The following GFRA2 variants were observed in gnomAD, a reference collection of about 807,000 sequenced individuals.
The protein encoded by GFRA2 is GDNF family receptor alpha-2.
Under a neutral mutation model 48.3 loss-of-function variants are expected in GFRA2, and 17 were observed. The observed-to-expected ratio is 0.35, with a 90% CI of 0.24 to 0.53. The LOEUF is 0.53. GFRA2 is among the 20% of genes least tolerant of loss of function. The probability of loss-of-function intolerance (pLI) is 0.93; values close to 1 mark genes in which losing one functional copy is unlikely to be tolerated. For missense variants in GFRA2, 660 were observed against 637.3 expected, an observed-to-expected ratio of 1.04 and a Z score of -0.38; for synonymous variants, 305 against 257.2, an observed-to-expected ratio of 1.19 and a Z score of -1.78.
Position 21,782,833 on chromosome 8 carries a change from G to A in GFRA2, c.107C>T (p.Pro36Leu). Residue 36 changes from proline to leucine, a missense_variant, in exon 2 of 9, where the codon CCC becomes CTC. Pro to Leu is a moderately conservative substitution (Grantham distance 98). Transcript: ENST00000524240. Reference sequence around the variant, plus strand: ...ATTGGCCCGGACACAGTCCACTGGGGGGCGCCAGCCGTGGAGCTCGGGGCC... The same window carrying A: ...ATTGGCCCGGACACAGTCCACTGGGAGGCGCCAGCCGTGGAGCTCGGGGCC... ...LQGPELHGWR[P>L]PVDCVRANEL... 6.4e-7 allele frequency: 1 copy of A among 1,572,036 alleles called. No individual in the cohort carries two copies. Among genetic ancestry groups the A allele is most frequent in the Non-Finnish European group, 8.6e-7 (1 of 1,165,540 alleles).
intron 2 of GFRA2, among the ~76,000 whole-genome samples, chr8:21,777,158 G>T (rs902496613): frequency 6.6e-6 from 1 of 152,184 alleles, no homozygotes; most frequent in Non-Finnish European, 1.5e-5. Context: ...GCTAACAAGC[G>T]ACAGAGCCAG....
chr8:21,750,079 G>T lies in GFRA2; in HGVS notation c.794+509C>A, dbSNP rs933790175. On this transcript the variant is annotated intron_variant, in intron 4 of 8. Coordinates refer to ENST00000524240, the MANE Select transcript of GFRA2 (RefSeq NM_001495.5). This position sits in a 1 kb window ranked among gnomAD's most constrained non-coding sequence, Gnocchi z 5.7. ...TATATATATGTGTATATATGTGTGTGTGTGTGTATACACACACACACACAC... is the reference window on the plus strand; with the variant it reads ...TATATATATGTGTATATATGTGTGTTTGTGTGTATACACACACACACACAC... Among the ~76,000 whole-genome samples the T allele has an allele frequency of 8.3e-6, 1 of 121,176 alleles. No individual in the cohort carries two copies. Among genetic ancestry groups the T allele is most frequent in the Non-Finnish European group, 1.8e-5 (1 of 57,016 alleles). 79.5% of individuals were successfully genotyped at this position (121,176 alleles called of 152,430 possible). A position where few individuals can be genotyped will look rare whatever the true frequency, so the allele number is the denominator to read the frequency against.
intron 7 of GFRA2, among the ~76,000 whole-genome samples, chr8:21,700,396 C>T (rs112513567): frequency 1.8e-3 from 278 of 152,330 alleles, no homozygotes; most frequent in Non-Finnish European, 3.1e-3. Context: ...CCTAAGACAT[C>T]GGCCACAGGG....
At chr8:21,809,140 G>T (rs535483036) in intron 1 of GFRA2, among the ~76,000 whole-genome samples, 1 of 152,280 alleles carries the variant, frequency 6.6e-6, no homozygotes, top group Admixed American at 6.5e-5. Context: ...ATCACGCAAG[G>T]AGTAAGTGAA....
chr8:21,718,616 T>A (rs548154190), intron 4 of GFRA2, among the ~76,000 whole-genome samples: 1 of 152,178 alleles, frequency 6.6e-6, no homozygotes, highest in Non-Finnish European at 1.5e-5. Context: ...GCAGGAGCTA[T>A]GTCCCTTCAA....
chr8:21,790,311 C>T (rs1807534045), upstream of GFRA2, among the ~76,000 whole-genome samples: 1 of 152,210 alleles, frequency 6.6e-6, no homozygotes, highest in African/African-American at 2.4e-5. Context: ...GTGGGGTACA[C>T]GCAGCGCCTC....
intron 3 of GFRA2, 68 bp downstream of exon 3, chr8:21,774,904 A>C: frequency 1.2e-6 from 1 of 866,330 alleles, no homozygotes. Flanking sequence ...GTCCAAGCCC[A>C]GAGCTCCATC....
intron 4 of GFRA2, among the ~76,000 whole-genome samples, chr8:21,724,932 G>A (rs759136962): frequency 2.6e-5 from 4 of 152,154 alleles, no homozygotes; most frequent in Admixed American, 2.0e-4. Flanking sequence ...ATGGGGACCC[G>A]TCCTCTAGTT....
chr8:21,727,487 G>A (rs1437255191), intron 4 of GFRA2, among the ~76,000 whole-genome samples: 1 of 152,218 alleles, frequency 6.6e-6, no homozygotes, highest in Non-Finnish European at 1.5e-5. Flanking sequence ...GCAGAAGTCT[G>A]TGGGGCTTGA....
chr8:21,727,599 G>A (rs896727933), intron 4 of GFRA2, among the ~76,000 whole-genome samples: 1 of 152,188 alleles, frequency 6.6e-6, no homozygotes, highest in East Asian at 1.9e-4. Flanking sequence ...GATTCCCAGT[G>A]CCCTTTCCCC....
At chr8:21,759,513 G>T (rs1031146564) in intron 3 of GFRA2, among the ~76,000 whole-genome samples, 1 of 142,912 alleles carries the variant, frequency 7.0e-6, no homozygotes, top group Admixed American at 7.1e-5. Context: ...AAGGAAGGAA[G>T]GAAGGAAGGA....
chr8:21,721,314 T>C (rs977214946), intron 4 of GFRA2, among the ~76,000 whole-genome samples: 18 of 152,320 alleles, frequency 1.2e-4, no homozygotes, highest in South Asian at 4.1e-4. Flanking sequence ...AAAGTGTCTC[T>C]GCTTTCTCTG....
chr8:21,778,068 A>G (rs2117721496), intron 2 of GFRA2, among the ~76,000 whole-genome samples: 1 of 152,322 alleles, frequency 6.6e-6, no homozygotes, highest in East Asian at 1.9e-4. Context: ...GCACAGCCCC[A>G]TGGTAAATCA....
At chr8:21,812,329 C>G (rs1020894413) in exon 1 of GFRA2, 6 of 152,352 alleles carry the variant, frequency 3.9e-5, no homozygotes, top group African/African-American at 1.4e-4. Flanking sequence ...GTTGCCCTTG[C>G]CGGGGTCTCA....
At chr8:21,792,603 GT>G (rs1807592292), upstream of GFRA2, among the ~76,000 whole-genome samples, 1 of 152,246 alleles carries the variant, frequency 6.6e-6, no homozygotes, top group African/African-American at 2.4e-5. Flanking sequence ...CAAAGGCACA[GT>G]GGGAGAAAGG....
intron 3 of GFRA2, among the ~76,000 whole-genome samples, chr8:21,758,906 G>A (rs147473223): frequency 1.2e-3 from 182 of 151,406 alleles, no homozygotes; most frequent in East Asian, 4.5e-3. Flanking sequence ...ACACACACAC[G>A]AAGACACCCA....
chr8:21,750,065 GTA>G lies in GFRA2; in HGVS notation c.794+521_794+522del, dbSNP rs774247087. On this transcript the variant is annotated intron_variant, in intron 4 of 8. Transcript: ENST00000524240. This position sits in a 1 kb window ranked among gnomAD's most constrained non-coding sequence, Gnocchi z 5.7. Reference sequence around the variant, plus strand: ...ATAATATATGTAAGTATATATATGTGTATATATGTGTGTGTGTGTGTATACAC... The same window carrying G: ...ATAATATATGTAAGTATATATATGTGTATATGTGTGTGTGTGTGTATACAC... 1.4e-4 allele frequency among the ~76,000 whole-genome samples: 19 copies of G among 137,196 alleles called. No homozygotes were observed. The highest frequency in any genetic ancestry group is 4.4e-4 in the South Asian group (2 of 4,552). The allele number at this position is 137,196 out of a possible 152,430, so 90.0% of individuals were successfully genotyped here. A position where few individuals can be genotyped will look rare whatever the true frequency, so the allele number is the denominator to read the frequency against.
At chr8:21,779,261 T>C (rs1806856223) in intron 2 of GFRA2, among the ~76,000 whole-genome samples, 1 of 152,202 alleles carries the variant, frequency 6.6e-6, no homozygotes, top group East Asian at 1.9e-4. Context: ...TCAAGGGGCC[T>C]TGAAAACCAC....
At chr8:21,718,583 T>G (rs1029936636) in intron 4 of GFRA2, among the ~76,000 whole-genome samples, 4 of 152,156 alleles carry the variant, frequency 2.6e-5, no homozygotes, top group African/African-American at 7.2e-5. Flanking sequence ...ACCCAATCCT[T>G]AGCATGAGAC....
Sources: allele counts gnomAD v4.1 joint callset (sites outside exome capture counted in the v4.1 genomes callset), GRCh38; gene constraint gnomAD v4.1.1; non-coding constraint Gnocchi (gnomAD v3.1); transcripts MANE v1.5; gene names NCBI Gene and HGNC (gene_info 2026-07-23, HGNC 2026-07-21).